Variants in DEPDC4 observed in about 807,000 individuals in gnomAD.
DEPDC4 encodes DEP domain-containing protein 4.
Under a neutral mutation model 52.0 loss-of-function variants are expected in DEPDC4, and 52 were observed. The ratio of observed to expected loss-of-function variants is 1.00; its 90% CI spans 0.80 to 1.26. DEPDC4 has a LOEUF of 1.26. Among genes scored for constraint, DEPDC4 ranks in the 50% most tolerant of loss-of-function variants. DEPDC4 has a pLI of 0.00. For synonymous variants in DEPDC4, 201 were observed against 196.8 expected (o/e 1.02, Z -0.18); for missense variants, 530 against 546.9 (o/e 0.97, Z 0.31).
At chr12:100,261,876 G>C in intron 3 of DEPDC4, 1 of 441,594 alleles carries the variant, frequency 2.3e-6, no homozygotes, top group Non-Finnish European at 4.5e-6. Flanking sequence ...CCTAAGGTTA[G>C]AGAGAAGGGA....
chr12:100,263,984 G>T, intron 1 of DEPDC4, 91 bp from the exon 2 acceptor site: 1 of 1,145,336 alleles, frequency 8.7e-7, no homozygotes, highest in Non-Finnish European at 1.2e-6. Context: ...GCTTGTTGAA[G>T]GCATATCTGC....
At chr12:100,254,690 T>G (rs1196233646) in intron 4 of DEPDC4, among the ~76,000 whole-genome samples, 1 of 151,956 alleles carries the variant, frequency 6.6e-6, no homozygotes. Flanking sequence ...TCTCCTTTCC[T>G]TCCTTTCTTT....
At chr12:100,265,760 GAAC>G (rs1323897880) in intron 1 of DEPDC4, among the ~76,000 whole-genome samples, 1 of 152,194 alleles carries the variant, frequency 6.6e-6, no homozygotes, top group Non-Finnish European at 1.5e-5. Context: ...GAGCTGAGCA[GAAC>G]AACTTGTATA....
At chr12:100,251,269 G>A (rs1479071648) in intron 7 of DEPDC4, among the ~76,000 whole-genome samples, 2 of 151,960 alleles carry the variant, frequency 1.3e-5, no homozygotes, top group African/African-American at 2.4e-5. Context: ...AGAAGAAAGG[G>A]AATTCTTTAT....
upstream of DEPDC4, chr12:100,267,200 C>T (rs1345001141): frequency 4.7e-6 from 5 of 1,066,762 alleles, no homozygotes; most frequent in Non-Finnish European, 6.7e-6. Context: ...CTCCCTTACT[C>T]TTCGTCCCCG....
At chr12:100,258,941 T>C (rs1592898290) in intron 3 of DEPDC4, among the ~76,000 whole-genome samples, 2 of 152,026 alleles carry the variant, frequency 1.3e-5, no homozygotes, top group Non-Finnish European at 2.9e-5. Flanking sequence ...TGTCATGGTG[T>C]GTGCCTGTAA....
At chr12:100,261,008 C>G (rs1021833097) in intron 3 of DEPDC4, among the ~76,000 whole-genome samples, 1 of 151,642 alleles carries the variant, frequency 6.6e-6, no homozygotes, top group African/African-American at 2.4e-5. Flanking sequence ...TGGTGAAACC[C>G]GTGTCTACTA....
At chr12:100,281,229 A>C in the DEPDC4 span, among the ~76,000 whole-genome samples, 1 of 151,692 alleles carries the variant, frequency 6.6e-6, no homozygotes, top group Non-Finnish European at 1.5e-5. Context: ...GGGTTTCTCC[A>C]TGTTTCCCAG....
At chr12:100,261,816 A>G (rs1373259366) in intron 3 of DEPDC4, 1 of 456,154 alleles carries the variant, frequency 2.2e-6, no homozygotes, top group Admixed American at 2.4e-5. Flanking sequence ...CACTACTTAA[A>G]TCACATTTAA....
rs2096261207 is a variant in DEPDC4 at position 100,263,533 on chromosome 12, T to C, written c.518A>G (p.Gln173Arg). 6.2e-7 allele frequency: 1 copy of C among 1,603,076 alleles called. No homozygotes were observed. The highest frequency in any genetic ancestry group is 8.5e-7 in the Non-Finnish European group (1 of 1,175,578). ...NKSSYDCCKR[Q>R]KDAENEFNET... ...ATTGAACTCATTCTCAGCATCCTTT[T>C]GTCTTTTGCAACAATCGTAAGATGA... is the stretch of plus-strand genomic sequence containing the variant. The change falls in exon 2 of 10, where the codon CAA (glutamine) becomes CGA (arginine). Residue 173 changes from glutamine to arginine, a missense_variant. By Grantham distance (43) the Gln-to-Arg change is conservative (BLOSUM62 1). Coordinates refer to ENST00000550587, the MANE Select transcript of DEPDC4 (RefSeq NM_001364818.2).
At chr12:100,244,100 T>C (rs1347729973) in intron 8 of DEPDC4, among the ~76,000 whole-genome samples, 2 of 48,314 alleles carry the variant, frequency 4.1e-5, no homozygotes, top group East Asian at 8.2e-4. Context: ...TCTGTGTATA[T>C]ATATATATAT....
upstream of DEPDC4, chr12:100,267,529 G>A (rs1448889194): frequency 2.0e-5 from 3 of 152,978 alleles, no homozygotes; most frequent in Non-Finnish European, 4.4e-5. Context: ...CAGGCTGGTG[G>A]GTGTTGCCTG....
the DEPDC4 span, among the ~76,000 whole-genome samples, chr12:100,273,512 A>G: frequency 6.6e-6 from 1 of 152,160 alleles, no homozygotes; most frequent in Admixed American, 6.5e-5. Flanking sequence ...TACATAGTGG[A>G]TACTCAGTAA....
chr12:100,259,081 A>AAATATATATATATAT (rs543577636), intron 3 of DEPDC4, among the ~76,000 whole-genome samples: 1 of 149,092 alleles, frequency 6.7e-6, no homozygotes, highest in Non-Finnish European at 1.5e-5. Context: ...AAAAAAAAAA[A>AAATATATATATATAT]ATATATATAT....
chr12:100,257,945 G>A (rs2096240817), intron 3 of DEPDC4, among the ~76,000 whole-genome samples: 1 of 151,794 alleles, frequency 6.6e-6, no homozygotes, highest in South Asian at 2.1e-4. Flanking sequence ...TATAAAAACG[G>A]GAGATTTCAT....
rs994591332 is a variant in DEPDC4, at chr12:100,252,154, C to G, written c.1374+22G>C. 1.1e-5 allele frequency: 13 copies of G among 1,149,358 alleles called. No homozygotes were observed. In the African/African-American group the frequency reaches 2.1e-4, roughly 19 times the overall value. 71.2% of individuals were successfully genotyped at this position (1,149,358 alleles called of 1,614,324 possible). ...ACAAGTAGCTTAGTAATAAATGTGC[C>G]CAGGCAAAATGCCAGAGATACCTTG... On this transcript the variant is annotated intron_variant, in intron 7 of 9. Transcript: ENST00000550587.
In DEPDC4 at chr12:100,263,532, T is replaced by C; in HGVS notation, c.519A>G (p.Gln173=). The change falls in exon 2 of 10, where the codon CAA becomes CAG. Residue 173 remains glutamine (Q), a synonymous_variant. Coordinates refer to ENST00000550587, the MANE Select transcript of DEPDC4 (RefSeq NM_001364818.2). ...CATTGAACTCATTCTCAGCATCCTT[T>C]TGTCTTTTGCAACAATCGTAAGATG... ...NKSSYDCCKR[Q]KDAENEFNET... 6.2e-7 allele frequency: 1 copy of C among 1,602,996 alleles called. No individual in the cohort carries two copies.
chr12:100,250,091 C>G (rs2096201512), intron 7 of DEPDC4, among the ~76,000 whole-genome samples: 2 of 152,112 alleles, frequency 1.3e-5, no homozygotes, highest in Admixed American at 1.3e-4. Context: ...AATGTATCAG[C>G]CTCTAATCTC....
chr12:100,281,019 GTTT>G, the DEPDC4 span, among the ~76,000 whole-genome samples: 1 of 50,466 alleles, frequency 2.0e-5, no homozygotes, highest in African/African-American at 6.9e-5. Flanking sequence ...TACCATCAGT[GTTT>G]TTTTTTTTTT....
Sources: gnomAD v4.1 joint callset for allele counts (sites outside exome capture counted in the v4.1 genomes callset) on GRCh38, gnomAD v4.1.1 for gene constraint, MANE v1.5 for transcripts, NCBI Gene and HGNC (gene_info 2026-07-23, HGNC 2026-07-21) for gene names.